GEMIN5: variants seen among roughly 807,000 people sequenced by gnomAD.
GEMIN5 encodes the protein gem-associated protein 5.
A neutral mutation model predicts 176.9 loss-of-function variants in GEMIN5; 124 were observed. The observed-to-expected ratio is 0.70, with a 90% CI of 0.61 to 0.81. GEMIN5 has a LOEUF of 0.81. Among genes scored for constraint, GEMIN5 ranks in the 40% least tolerant of loss-of-function variants. The probability of loss-of-function intolerance (pLI) is 0.00; values close to 1 mark genes in which losing one functional copy is unlikely to be tolerated. For missense variants in GEMIN5, 1,843 were observed against 1,814.6 expected (o/e 1.02, Z -0.28); for synonymous variants, 673 against 665.2 (o/e 1.01, Z -0.18).
At chr5:154,926,123 T>C (rs1205239238) in intron 7 of GEMIN5, 49 bp from the exon 8 acceptor site, 6 of 1,246,978 alleles carry the variant, frequency 4.8e-6, no homozygotes, top group Non-Finnish European at 7.0e-6. Flanking sequence ...AACAGAGAAA[T>C]AGGAAAAAAA....
rs779462142 is a variant in GEMIN5 at position 154,891,615 on chromosome 5, G to C, written c.3888C>G (p.Cys1296Trp). 1 of 1,614,136 alleles carries C rather than the reference G, an allele frequency of 6.2e-7. No homozygotes were observed. The highest frequency in any genetic ancestry group is 8.5e-7 in the Non-Finnish European group (1 of 1,180,022). ...CCCTTACCCAGACACTGGAATTTGG[G>C]CAAGGTCTGGAGAGAGACCACCAGA... ...YEFWWSLSRP[C>W]PNSSVWVRAG... Residue 1296 changes from cysteine (C) to tryptophan (W), a missense_variant, in exon 26 of 28, where the codon TGC becomes TGG. Transcript: ENST00000285873.
intron 3 of GEMIN5, among the ~76,000 whole-genome samples, chr5:154,932,878 A>G (rs1229021735): frequency 2.6e-5 from 4 of 152,172 alleles, no homozygotes; most frequent in African/African-American, 9.7e-5. Flanking sequence ...TCTTCTAACT[A>G]GAGATAATTT....
intron 13 of GEMIN5, among the ~76,000 whole-genome samples, chr5:154,914,001 T>C (rs1554102241): frequency 6.6e-6 from 1 of 151,612 alleles, no homozygotes; most frequent in Non-Finnish European, 1.5e-5. Context: ...ACCCAGTTTC[T>C]AAAAAATAAA....
intron 14 of GEMIN5, among the ~76,000 whole-genome samples, chr5:154,912,495 T>C (rs1343608949): frequency 6.6e-6 from 1 of 152,224 alleles, no homozygotes; most frequent in East Asian, 1.9e-4. Context: ...GCATTTCATC[T>C]TTATTTATTT....
At chr5:154,927,334 C>CAA in intron 7 of GEMIN5, 51 bp downstream of exon 7, 1 of 1,274,388 alleles carries the variant, frequency 7.8e-7, no homozygotes, top group Non-Finnish European at 1.1e-6. Context: ...TCATCCCACC[C>CAA]AAGTTGTAAA....
chr5:154,921,352 TGG>T lies in GEMIN5; in HGVS notation c.1451_1452del (p.Pro484HisfsTer27). On this transcript the variant is annotated frameshift_variant, in exon 10 of 28. Coordinates refer to ENST00000285873, the MANE Select transcript of GEMIN5 (RefSeq NM_015465.5). LOFTEE classifies it high-confidence loss of function. ...TTGTTCAGATACTTACCAAGTGACA[TGG>T]GGGGTACTGGTGGCCCCCAGGCTAA... Reference protein sequence around the residue: ...YTLAWGPPVPPMSLGGEGDRP... With the variant: ...YTLAWGPPVPXMSLGGEGDRP... The T allele has an allele frequency of 7.6e-7, 1 of 1,322,412 alleles. No homozygotes were observed. Among genetic ancestry groups the T allele is most frequent in the Non-Finnish European group, 1.1e-6 (1 of 919,580 alleles). The allele number at this position is 1,322,412 out of a possible 1,614,324, so 81.9% of individuals were successfully genotyped here.
At chr5:154,889,865 A>T (rs1041830141) in intron 26 of GEMIN5, among the ~76,000 whole-genome samples, 2 of 152,232 alleles carry the variant, frequency 1.3e-5, no homozygotes, top group Admixed American at 6.5e-5. Flanking sequence ...TTATCCATTC[A>T]TCTGTCAGTG....
In GEMIN5 at chr5:154,907,661, A is replaced by C; in HGVS notation, c.2325T>G (p.Asn775Lys). ...CCTCCCCTTCTTGGTCTGACACACC[A>C]TTCTCAACAGGTCCTGAGTTCTCCT... ...SMKENSGPVENGVSDQEGEEQ... is the reference protein window; with the variant it reads ...SMKENSGPVEKGVSDQEGEEQ... The change falls in exon 16 of 28, where the codon AAT becomes AAG. Residue 775 changes from asparagine (N) to lysine (K), a missense_variant. By Grantham distance (94) the Asn-to-Lys change is moderately conservative (BLOSUM62 0). Transcript: ENST00000285873. The C allele has an allele frequency of 1.2e-6, 2 of 1,614,110 alleles. No homozygotes were observed. Among genetic ancestry groups the C allele is most frequent in the Non-Finnish European group, 1.7e-6 (2 of 1,180,012 alleles).
In GEMIN5 at chr5:154,927,491, C is replaced by T. The variant is rs1764070101; in HGVS notation, c.974G>A (p.Ser325Asn). 6.2e-7 allele frequency: 1 copy of T among 1,611,260 alleles called. No individual in the cohort carries two copies. The highest frequency in any genetic ancestry group is 1.3e-5 in the African/African-American group (1 of 75,012). ...QSWRRKYTLF[S>N]ASSEGQNHSR... is the part of the protein sequence containing the mutation. ...ATGATTTTGCCCTTCTGATGAGGCA[C>T]TGAAGAGGGTGTATTTCCGTCTCCA... The change falls in exon 7 of 28, where the codon AGT (serine) becomes AAT (asparagine). Residue 325 changes from serine to asparagine, a missense_variant. Ser to Asn is a conservative substitution (Grantham distance 46, BLOSUM62 1). Transcript: ENST00000285873.
chr5:154,903,557 A>G (rs1386604023), intron 18 of GEMIN5, among the ~76,000 whole-genome samples: 1 of 152,246 alleles, frequency 6.6e-6, no homozygotes, highest in Non-Finnish European at 1.5e-5. Context: ...TGTAAGTTAT[A>G]GGAAGTCATC....
chr5:154,887,481 G>C lies in GEMIN5; in HGVS notation c.*729C>G, dbSNP rs184416875. 1 of 152,160 alleles carries C rather than the reference G, an allele frequency of 6.6e-6. No individual in the cohort carries two copies. Among genetic ancestry groups the C allele is most frequent in the Non-Finnish European group, 1.5e-5 (1 of 68,016 alleles). The allele number at this position is 152,160 out of a possible 1,614,324, so 9.4% of individuals were successfully genotyped here. On this transcript the variant is annotated 3_prime_UTR_variant, in exon 28 of 28. Coordinates refer to ENST00000285873, the MANE Select transcript of GEMIN5 (RefSeq NM_015465.5). Reference sequence around the variant, plus strand: ...GATCCTATGATCCAAGAAAGTTTAAGAACCATTGAAACAGTAATTTATTCC... The same window carrying C: ...GATCCTATGATCCAAGAAAGTTTAACAACCATTGAAACAGTAATTTATTCC...
Position 154,917,895 on chromosome 5 carries a change from T to C in GEMIN5, c.1673+36A>G, listed in dbSNP as rs201137545. 5.3e-4 allele frequency: 710 copies of C among 1,349,836 alleles called. 1 individual carries two copies. The highest frequency in any genetic ancestry group is 7.2e-4 in the Middle Eastern group (4 of 5,562). 83.6% of individuals were successfully genotyped at this position (1,349,836 alleles called of 1,614,324 possible). A position where few individuals can be genotyped will look rare whatever the true frequency, so the allele number is the denominator to read the frequency against. ...AGCTTGTGATCAAATATATGTGCGA[T>C]TGCAAATTTTTTATCTTAAAGAAGC... On this transcript the variant is annotated intron_variant, in intron 12 of 27. Coordinates refer to ENST00000285873, the MANE Select transcript of GEMIN5 (RefSeq NM_015465.5).
At chr5:154,934,367 A>T (rs962407440) in intron 3 of GEMIN5, among the ~76,000 whole-genome samples, 1 of 152,050 alleles carries the variant, frequency 6.6e-6, no homozygotes, top group Non-Finnish European at 1.5e-5. Context: ...TGTGTTTTTA[A>T]TAGAGACGGG....
Position 154,922,209 on chromosome 5 carries a change from C to T in GEMIN5, c.1380-784G>A, listed in dbSNP as rs548640528. Among the ~76,000 whole-genome samples, 6 of 152,152 alleles carry T rather than the reference C, an allele frequency of 3.9e-5. No individual in the cohort carries two copies. The South Asian group carries it at 1.0e-3, about 26-fold the overall frequency. ...TAGAGACGGAGTCTCGCTCTGTCACCCAGGCTGGAGTGCAGTGGTGCAATC... is the reference window on the plus strand; with the variant it reads ...TAGAGACGGAGTCTCGCTCTGTCACTCAGGCTGGAGTGCAGTGGTGCAATC... On this transcript the variant is annotated intron_variant, in intron 9 of 27. Coordinates refer to ENST00000285873, the MANE Select transcript of GEMIN5 (RefSeq NM_015465.5).
intron 15 of GEMIN5, among the ~76,000 whole-genome samples, chr5:154,910,655 A>G (rs1010336224): frequency 2.0e-5 from 3 of 152,130 alleles, no homozygotes; most frequent in Admixed American, 1.3e-4. Flanking sequence ...CAAGTCTGAT[A>G]CCAATTAATC....
rs1763828307 is a variant in GEMIN5 at position 154,917,100 on chromosome 5, T to C, written c.1753A>G (p.Ser585Gly). 2.5e-6 allele frequency: 4 copies of C among 1,608,190 alleles called. No homozygotes were observed. Among genetic ancestry groups the C allele is most frequent in the Non-Finnish European group, 3.4e-6 (4 of 1,175,514 alleles). Residue 585 changes from serine to glycine, a missense_variant, in exon 13 of 28, where the codon AGC becomes GGC. Coordinates refer to ENST00000285873, the MANE Select transcript of GEMIN5 (RefSeq NM_015465.5). ...TGGCTGCCATGCTCATGATGCCAGCTAATGGTATTCACAAGCTTGTGATGC... is the reference window on the plus strand; with the variant it reads ...TGGCTGCCATGCTCATGATGCCAGCCAATGGTATTCACAAGCTTGTGATGC... ...QQHHKLVNTI[S>G]WHHEHGSQPE...
intron 21 of GEMIN5, 124 bp from the exon 22 acceptor site, chr5:154,899,434 A>C (rs1763421480): frequency 1.3e-6 from 1 of 745,784 alleles, no homozygotes; most frequent in African/African-American, 1.8e-5. Flanking sequence ...ACTTCCTTTA[A>C]AAACTGCACT....
chr5:154,913,788 G>C (rs1347758440), intron 13 of GEMIN5, among the ~76,000 whole-genome samples: 1 of 152,102 alleles, frequency 6.6e-6, no homozygotes, highest in African/African-American at 2.4e-5. Flanking sequence ...CTGTACTACA[G>C]CCTGGGTGAC....
chr5:154,929,513 C>T (rs1297247223), intron 5 of GEMIN5, among the ~76,000 whole-genome samples: 1 of 152,196 alleles, frequency 6.6e-6, no homozygotes, highest in Admixed American at 6.5e-5. Flanking sequence ...TTAAAAAATA[C>T]ATACGCCAGG....
Sources: allele counts gnomAD v4.1 joint callset (sites outside exome capture counted in the v4.1 genomes callset), GRCh38; gene constraint gnomAD v4.1.1; transcripts MANE v1.5; gene names NCBI Gene and HGNC (gene_info 2026-07-23, HGNC 2026-07-21).